The following CADM2 variants were observed in gnomAD, a reference collection of about 807,000 sequenced individuals.
CADM2 encodes cell adhesion molecule 2.
A neutral mutation model predicts 49.8 loss-of-function variants in CADM2; 12 were observed. That is an observed-to-expected ratio of 0.24 (90% CI 0.15 to 0.39). The LOEUF is 0.39. Ranked by LOEUF, CADM2 falls within the 10% of genes least tolerant of loss-of-function variation. CADM2 has a pLI of 1.00. For synonymous variants in CADM2, 214 were observed against 175.4 expected, an observed-to-expected ratio of 1.22 and a Z score of -1.74; for missense variants, 378 against 492.3, an observed-to-expected ratio of 0.77 and a Z score of 2.20.
At chr3:85,676,521 A>G (rs1193437212) in intron 1 of CADM2, among the ~76,000 whole-genome samples, 1 of 152,190 alleles carries the variant, frequency 6.6e-6, no homozygotes, top group Non-Finnish European at 1.5e-5. Flanking sequence ...TTGTTGTAAC[A>G]TAGGACAGAC....
chr3:86,055,557 C>T (rs1170988012), intron 8 of CADM2, among the ~76,000 whole-genome samples: 2 of 145,662 alleles, frequency 1.4e-5, no homozygotes, highest in Non-Finnish European at 3.0e-5. Flanking sequence ...AACTCTGCCT[C>T]CTGGGTTCCA....
chr3:85,425,842 A>G (rs7623369), intron 1 of CADM2, among the ~76,000 whole-genome samples: 131,468 of 152,208 alleles, frequency 0.86, 56,930 homozygotes, highest in East Asian at 0.95. Context: ...GGAGCCCACC[A>G]TATTTATTGG....
chr3:85,955,050 A>G (rs1723882042), intron 7 of CADM2, among the ~76,000 whole-genome samples: 2 of 151,354 alleles, frequency 1.3e-5, no homozygotes, highest in African/African-American at 2.4e-5. Flanking sequence ...CTATGGTGAC[A>G]TGGTGCATAA....
Position 85,435,333 on chromosome 3 carries a change from C to A in CADM2, c.62-291189C>A, listed in dbSNP as rs550389605. 3.3e-5 allele frequency among the ~76,000 whole-genome samples: 5 copies of A among 152,240 alleles called. No homozygotes were observed. The South Asian group carries it at 6.2e-4, about 19-fold the overall frequency. On this transcript the variant is annotated intron_variant, in intron 1 of 9. Transcript: ENST00000383699. ...GTTTCCAGCTTCATCCAGGTGCCTG[C>A]AAACAACATGGACTCATCCTTTTTT...
intron 1 of CADM2, among the ~76,000 whole-genome samples, chr3:85,536,989 C>T (rs1268543515): frequency 6.6e-6 from 1 of 151,820 alleles, no homozygotes; most frequent in African/African-American, 2.4e-5. Flanking sequence ...TCATGCCTTG[C>T]CTATCCCTTG....
chr3:85,753,508 G>A (rs2068960404), intron 2 of CADM2, among the ~76,000 whole-genome samples: 1 of 151,698 alleles, frequency 6.6e-6, no homozygotes, highest in Non-Finnish European at 1.5e-5. Context: ...AATAGCCAAT[G>A]GGTTAAACAC....
chr3:85,748,150 G>T lies in CADM2; in HGVS notation c.88+21602G>T, dbSNP rs141454905. On this transcript the variant is annotated intron_variant, in intron 2 of 9. Transcript: ENST00000383699. ...ACCATAATCTCCATTAGTAGAAAAA[G>T]AAGATTATGTAGATTTTTTTCTCTA... Among the ~76,000 whole-genome samples the T allele has an allele frequency of 5.9e-3, 893 of 152,090 alleles. 9 individuals are homozygous for T. Among genetic ancestry groups the T allele is most frequent in the African/African-American group, 0.02 (822 of 41,528 alleles).
intron 1 of CADM2, among the ~76,000 whole-genome samples, chr3:85,340,271 A>C (rs2045204384): frequency 6.6e-6 from 1 of 151,548 alleles, no homozygotes; most frequent in African/African-American, 2.4e-5. Context: ...TAAAGAAATA[A>C]AACCACTAAA....
At chr3:85,722,683 T>C (rs1285579417) in intron 1 of CADM2, among the ~76,000 whole-genome samples, 2 of 152,146 alleles carry the variant, frequency 1.3e-5, no homozygotes, top group Non-Finnish European at 2.9e-5. Flanking sequence ...ATATGACCCT[T>C]GTGTTATGAC....
chr3:85,367,130 A>C (rs187194182), intron 1 of CADM2, among the ~76,000 whole-genome samples: 1 of 152,226 alleles, frequency 6.6e-6, no homozygotes, highest in Admixed American at 6.5e-5. Context: ...AATTGATAAT[A>C]TATTTTAATA....
chr3:85,532,904 AC>A (rs1382115919), intron 1 of CADM2, among the ~76,000 whole-genome samples: 2 of 152,186 alleles, frequency 1.3e-5, no homozygotes, highest in African/African-American at 2.4e-5. Context: ...TAATGCAGGA[AC>A]GGAAAACCAA....
At chr3:85,467,499 A>G (rs2038550657) in intron 1 of CADM2, among the ~76,000 whole-genome samples, 1 of 152,170 alleles carries the variant, frequency 6.6e-6, no homozygotes, top group Non-Finnish European at 1.5e-5. Flanking sequence ...GTTTATGTCA[A>G]ATTTACAATG....
chr3:86,013,420 G>A (rs1731802479), intron 8 of CADM2: 4 of 1,558,806 alleles, frequency 2.6e-6, no homozygotes, highest in Admixed American at 1.7e-5. Flanking sequence ...ATCCCAGAAG[G>A]TCTCTTTACC....
chr3:85,806,952 G>A (rs1577355549), intron 3 of CADM2, among the ~76,000 whole-genome samples: 1 of 152,146 alleles, frequency 6.6e-6, no homozygotes, highest in South Asian at 2.1e-4. Flanking sequence ...TGTGTCCATT[G>A]ATAAATGGAA....
chr3:85,549,657 T>A (rs1029467707), intron 1 of CADM2, among the ~76,000 whole-genome samples: 1 of 152,132 alleles, frequency 6.6e-6, no homozygotes, highest in African/African-American at 2.4e-5. Flanking sequence ...AGACAGAGTC[T>A]CTGTCACCCA....
chr3:85,598,111 T>C (rs1326912330), intron 1 of CADM2, among the ~76,000 whole-genome samples: 29 of 151,984 alleles, frequency 1.9e-4, no homozygotes, highest in Admixed American at 1.8e-3. Context: ...ACCGACACGG[T>C]GGTAAATATT....
intron 4 of CADM2, among the ~76,000 whole-genome samples, chr3:85,884,447 G>C (rs879352930): frequency 3.3e-5 from 5 of 152,116 alleles, no homozygotes; most frequent in Non-Finnish European, 7.4e-5. Flanking sequence ...TGCCATTAAA[G>C]ACAAAATATG....
At chr3:86,034,261 G>C (rs1476175485) in intron 8 of CADM2, among the ~76,000 whole-genome samples, 2 of 151,788 alleles carry the variant, frequency 1.3e-5, no homozygotes, top group Non-Finnish European at 2.9e-5. Context: ...GTGATATTTT[G>C]TGTTCCCATA....
chr3:85,175,874 CTG>C (rs2107693234), intron 1 of CADM2, among the ~76,000 whole-genome samples: 1 of 147,884 alleles, frequency 6.8e-6, no homozygotes, highest in East Asian at 2.0e-4. Context: ...CATCCAGCAA[CTG>C]TTACATAAAT....
Sources: gnomAD v4.1 joint callset for allele counts (sites outside exome capture counted in the v4.1 genomes callset) on GRCh38, gnomAD v4.1.1 for gene constraint, MANE v1.5 for transcripts, NCBI Gene and HGNC (gene_info 2026-07-23, HGNC 2026-07-21) for gene names.